Variants in TBC1D8 observed in about 807,000 individuals in gnomAD.
The protein encoded by TBC1D8 is BUB2-like protein 1.
A neutral mutation model predicts 118.8 loss-of-function variants in TBC1D8; 65 were observed. The observed-to-expected ratio is 0.55, with a 90% CI of 0.45 to 0.67. The LOEUF (loss-of-function observed/expected upper bound fraction) is 0.67, where lower values mean the gene tolerates loss of function less well. Among genes scored for constraint, TBC1D8 ranks in the 30% least tolerant of loss-of-function variants. The pLI, the probability that TBC1D8 is intolerant of heterozygous loss-of-function variation, is 0.00. For missense variants in TBC1D8, 1,376 were observed against 1,471.2 expected, an observed-to-expected ratio of 0.94 and a Z score of 1.06; for synonymous variants, 566 against 595.8, an observed-to-expected ratio of 0.95 and a Z score of 0.73.
intron 2 of TBC1D8, among the ~76,000 whole-genome samples, chr2:101,085,399 A>C (rs1675548723): frequency 6.6e-6 from 1 of 152,090 alleles, no homozygotes; most frequent in Non-Finnish European, 1.5e-5. Flanking sequence ...GGGAGAAAAA[A>C]AATACTCATA....
At chr2:101,087,398 AG>A (rs1192704112) in intron 2 of TBC1D8, among the ~76,000 whole-genome samples, 4 of 152,086 alleles carry the variant, frequency 2.6e-5, no homozygotes, top group African/African-American at 9.7e-5. Context: ...GCACTCTGGG[AG>A]GCCAAGGCAG....
chr2:101,149,526 A>G (rs950225620), intron 1 of TBC1D8, among the ~76,000 whole-genome samples: 1 of 152,230 alleles, frequency 6.6e-6, no homozygotes, highest in Non-Finnish European at 1.5e-5. Flanking sequence ...CAGTGAATGA[A>G]TGAGCGTTTA....
At chr2:101,013,974 A>C (rs1679427686) in intron 17 of TBC1D8, among the ~76,000 whole-genome samples, 1 of 152,246 alleles carries the variant, frequency 6.6e-6, no homozygotes, top group Admixed American at 6.5e-5. Flanking sequence ...CAGAAATTCC[A>C]ATACAGCCAA....
At chr2:101,030,650 G>A (rs1680616589) in intron 11 of TBC1D8, among the ~76,000 whole-genome samples, 2 of 152,136 alleles carry the variant, frequency 1.3e-5, no homozygotes, top group Admixed American at 1.3e-4. Flanking sequence ...AATTCTCCTA[G>A]GTAAATACCC....
chr2:101,021,657 A>T (rs368339381), intron 17 of TBC1D8, 24 bp downstream of exon 17: 1 of 1,534,204 alleles, frequency 6.5e-7, no homozygotes, highest in Non-Finnish European at 9.0e-7. Flanking sequence ...GCACAGTCTG[A>T]TTTTGCTACT....
chr2:101,125,864 T>C (rs1678329793), intron 1 of TBC1D8, among the ~76,000 whole-genome samples: 1 of 152,214 alleles, frequency 6.6e-6, no homozygotes, highest in Non-Finnish European at 1.5e-5. Context: ...TTCTTAGCTC[T>C]TCCTCCATCC....
chr2:101,009,307 G>A (rs1227446014), intron 19 of TBC1D8, among the ~76,000 whole-genome samples: 2 of 151,840 alleles, frequency 1.3e-5, no homozygotes, highest in African/African-American at 4.8e-5. Context: ...TCGGGAAGCT[G>A]AGGCAGGAGA....
At chr2:101,029,208 G>A (rs1680524555) in intron 12 of TBC1D8, among the ~76,000 whole-genome samples, 1 of 152,200 alleles carries the variant, frequency 6.6e-6, no homozygotes, top group South Asian at 2.1e-4. Flanking sequence ...AGCCAACATG[G>A]TGAAACCCTG....
intron 1 of TBC1D8, among the ~76,000 whole-genome samples, chr2:101,110,980 CAA>C (rs10708630): frequency 9.4e-4 from 82 of 87,174 alleles, no homozygotes; most frequent in Admixed American, 2.0e-3. Context: ...AACTCCATCG[CAA>C]AAAAAAAAAA....
intron 1 of TBC1D8, among the ~76,000 whole-genome samples, chr2:101,130,274 C>T (rs922768378): frequency 1.3e-5 from 2 of 152,234 alleles, no homozygotes; most frequent in African/African-American, 2.4e-5. Context: ...AAGCGTCGAT[C>T]GGGCCAGCTG....
chr2:101,090,282 G>T lies in TBC1D8; in HGVS notation c.210C>A (p.Gly70=). The T allele has an allele frequency of 6.2e-7, 1 of 1,613,980 alleles. No homozygotes were observed. Among genetic ancestry groups the T allele is most frequent in the Non-Finnish European group, 8.5e-7 (1 of 1,179,878 alleles). The change falls in exon 2 of 20, where the codon GGC becomes GGA. Residue 70 remains glycine, a synonymous_variant. Coordinates refer to ENST00000409318, the MANE Select transcript of TBC1D8 (RefSeq NM_001330348.2). ...ATGCTATGGGAGAATAAACCTGGGA[G>T]CCGGGAACTTGAAGCAGAATTCGAA... is the stretch of plus-strand genomic sequence containing the variant. The part of the protein sequence containing the change: ...APFRILLQVP[G]SQVYSPIACG...
At chr2:101,031,124 C>A (rs1030938505) in intron 11 of TBC1D8, among the ~76,000 whole-genome samples, 1 of 152,242 alleles carries the variant, frequency 6.6e-6, no homozygotes, top group South Asian at 2.1e-4. Context: ...CACATAGCAA[C>A]AATCATCAAC....
intron 1 of TBC1D8, among the ~76,000 whole-genome samples, chr2:101,111,941 A>G (rs1677613461): frequency 6.6e-6 from 1 of 150,390 alleles, no homozygotes; most frequent in Non-Finnish European, 1.5e-5. Context: ...AACCTGTGAA[A>G]TTCTAGTGGT....
At chr2:101,026,560 G>A (rs1465146701) in intron 15 of TBC1D8, among the ~76,000 whole-genome samples, 1 of 152,100 alleles carries the variant, frequency 6.6e-6, no homozygotes, top group Non-Finnish European at 1.5e-5. Flanking sequence ...CACTTCAATC[G>A]TGCTGGGAAC....
At chr2:101,099,442 C>T (rs894947982) in intron 1 of TBC1D8, among the ~76,000 whole-genome samples, 1 of 152,178 alleles carries the variant, frequency 6.6e-6, no homozygotes, top group African/African-American at 2.4e-5. Context: ...CAAAGAGGAG[C>T]TTGTACCATT....
intron 17 of TBC1D8, 111 bp from the exon 18 acceptor site, chr2:101,011,651 G>A (rs1273996789): frequency 7.1e-6 from 8 of 1,129,330 alleles, no homozygotes; most frequent in Middle Eastern, 1.9e-4. Context: ...CCCAGCCTGT[G>A]GACTGTAGTT....
chr2:101,124,158 G>A (rs559712069), intron 1 of TBC1D8, among the ~76,000 whole-genome samples: 1 of 152,088 alleles, frequency 6.6e-6, no homozygotes, highest in African/African-American at 2.4e-5. Context: ...CTGGATCTCC[G>A]ACACCACACA....
At chr2:101,039,210 G>A (rs576634663) in intron 6 of TBC1D8, among the ~76,000 whole-genome samples, 1 of 152,308 alleles carries the variant, frequency 6.6e-6, no homozygotes, top group African/African-American at 2.4e-5. Context: ...TGGTTTAAAT[G>A]TCATTTCTGG....
chr2:101,024,392 T>TG (rs1452227579), intron 15 of TBC1D8, among the ~76,000 whole-genome samples: 1 of 145,216 alleles, frequency 6.9e-6, no homozygotes, highest in Non-Finnish European at 1.5e-5. Context: ...ACACCATCAG[T>TG]GGGACTGTAA....
Sources: gnomAD v4.1 joint callset for allele counts (sites outside exome capture counted in the v4.1 genomes callset) on GRCh38, gnomAD v4.1.1 for gene constraint, MANE v1.5 for transcripts, NCBI Gene and HGNC (gene_info 2026-07-23, HGNC 2026-07-21) for gene names.